Variants in GRIK2 observed in about 807,000 individuals in gnomAD.
The protein encoded by GRIK2 is glutamate ionotropic receptor kainate type subunit 2, also known as glutamate receptor ionotropic, kainate 2.
Under a neutral mutation model 100.3 loss-of-function variants are expected in GRIK2, and 32 were observed. The ratio of observed to expected loss-of-function variants is 0.32; its 90% CI spans 0.24 to 0.43. GRIK2 has a LOEUF of 0.43. Among genes scored for constraint, GRIK2 ranks in the 20% least tolerant of loss-of-function variants. The pLI is 1.00. For missense variants in GRIK2, 843 were observed against 1,114.9 expected, an observed-to-expected ratio of 0.76 and a Z score of 3.47; for synonymous variants, 417 against 389.4, an observed-to-expected ratio of 1.07 and a Z score of -0.83.
At chr6:101,627,093 G>A (rs1780492289) in intron 4 of GRIK2, among the ~76,000 whole-genome samples, 1 of 146,860 alleles carries the variant, frequency 6.8e-6, no homozygotes, top group Admixed American at 7.0e-5. Context: ...TGAATAATGT[G>A]TGTGTGTGTG....
At chr6:101,846,528 A>C (rs555616906) in intron 10 of GRIK2, among the ~76,000 whole-genome samples, 4 of 152,180 alleles carry the variant, frequency 2.6e-5, no homozygotes, top group African/African-American at 9.6e-5. Context: ...TGTTGGCCTG[A>C]AAGAATGGAC....
At chr6:101,515,782 ATTTG>A (rs1407478184) in intron 2 of GRIK2, among the ~76,000 whole-genome samples, 1 of 151,704 alleles carries the variant, frequency 6.6e-6, no homozygotes, top group African/African-American at 2.4e-5. Context: ...TATCTTACCG[ATTTG>A]TTTGAGTTTG....
chr6:101,581,619 C>CTA (rs1778102630), intron 2 of GRIK2, among the ~76,000 whole-genome samples: 1 of 152,116 alleles, frequency 6.6e-6, no homozygotes, highest in East Asian at 1.9e-4. Flanking sequence ...TGAGCATTAA[C>CTA]TATACAACAC....
intron 14 of GRIK2, among the ~76,000 whole-genome samples, chr6:101,972,970 C>T (rs1262950379): frequency 6.6e-6 from 1 of 151,786 alleles, no homozygotes; most frequent in Non-Finnish European, 1.5e-5. Flanking sequence ...AGTTTGAAGC[C>T]AGGTAGTGTG....
In GRIK2 at chr6:101,514,789, C is replaced by T. The variant is rs572595644; in HGVS notation, c.116-107160C>T. On this transcript the variant is annotated intron_variant, in intron 2 of 16. Transcript: ENST00000369134. ...AGTTTTTTTGAGAATAAAGTAAGGT[C>T]GCTGTTTTATGTAGACTCATAGAAA... 1.2e-4 allele frequency among the ~76,000 whole-genome samples: 19 copies of T among 152,134 alleles called. No individual in the cohort carries two copies. In the South Asian group the frequency reaches 3.5e-3, roughly 28 times the overall value.
intron 4 of GRIK2, among the ~76,000 whole-genome samples, chr6:101,655,731 A>G (rs922640689): frequency 6.6e-6 from 1 of 152,212 alleles, no homozygotes; most frequent in Non-Finnish European, 1.5e-5. Flanking sequence ...ACATGACAAG[A>G]TAACATAATG....
chr6:102,055,341 C>G lies in GRIK2; in HGVS notation c.2323C>G (p.Arg775Gly). ...GVGTPMGSPY[R>G]DKITIAILQL... ...CTCTCCTTTCTTAGGTTCTCCATAT[C>G]GAGACAAAATTACCATAGCAATTCT... Residue 775 changes from arginine (R) to glycine (G), a missense_variant, in exon 16 of 17, where the codon CGA becomes GGA. Arg to Gly is a moderately radical substitution (Grantham distance 125). This residue lies in a region of GRIK2 where 237 missense variants were observed against 388.0 expected (regional missense o/e 0.61). Transcript: ENST00000369134. 1 of 1,609,310 alleles carries G rather than the reference C, an allele frequency of 6.2e-7. No individual in the cohort carries two copies. Among genetic ancestry groups the G allele is most frequent in the African/African-American group, 1.3e-5 (1 of 74,926 alleles).
intron 12 of GRIK2, among the ~76,000 whole-genome samples, chr6:101,917,824 C>T (rs1341104923): frequency 2.7e-5 from 4 of 150,878 alleles, no homozygotes; most frequent in African/African-American, 9.7e-5. Context: ...TAAGAGATCA[C>T]GTCTTCACAT....
chr6:101,528,053 G>T (rs1775240691), intron 2 of GRIK2, among the ~76,000 whole-genome samples: 1 of 152,046 alleles, frequency 6.6e-6, no homozygotes. Context: ...TGTGTGAGTT[G>T]CTGAACCTAC....
At chr6:101,928,136 G>A (rs1319599430) in intron 13 of GRIK2, 2 of 368,888 alleles carry the variant, frequency 5.4e-6, no homozygotes, top group South Asian at 4.4e-5. Context: ...TATTAAAAAT[G>A]TTTACTCATT....
At chr6:101,889,605 CTTTTTT>C in intron 11 of GRIK2, 29 bp from the exon 12 acceptor site, 2 of 711,228 alleles carry the variant, frequency 2.8e-6, no homozygotes, top group Non-Finnish European at 4.3e-6. Flanking sequence ...TTCTTTCTTT[CTTTTTT>C]TTTTTTTTTT....
intron 2 of GRIK2, among the ~76,000 whole-genome samples, chr6:101,596,364 T>C (rs1163026448): frequency 6.6e-6 from 1 of 151,608 alleles, no homozygotes; most frequent in Non-Finnish European, 1.5e-5. Flanking sequence ...AGGCTTAACT[T>C]CTAAGAAGTA....
intron 7 of GRIK2, among the ~76,000 whole-genome samples, chr6:101,722,901 G>A (rs1015526609): frequency 6.6e-6 from 1 of 152,028 alleles, no homozygotes; most frequent in Non-Finnish European, 1.5e-5. Flanking sequence ...TAATCTGGGA[G>A]AGGATGCTGT....
chr6:101,437,234 C>T (rs1474850119), intron 2 of GRIK2, among the ~76,000 whole-genome samples: 2 of 152,004 alleles, frequency 1.3e-5, no homozygotes, highest in Admixed American at 1.3e-4. Context: ...TTTCCATTTT[C>T]ACAAACAGAA....
chr6:101,601,637 G>T (rs1052092531), intron 2 of GRIK2, among the ~76,000 whole-genome samples: 2 of 151,746 alleles, frequency 1.3e-5, no homozygotes, highest in African/African-American at 2.4e-5. Flanking sequence ...CAGGGTTTTA[G>T]TTTTTTCCTG....
At chr6:101,455,247 T>C (rs1770937537) in intron 2 of GRIK2, among the ~76,000 whole-genome samples, 1 of 152,036 alleles carries the variant, frequency 6.6e-6, no homozygotes, top group East Asian at 1.9e-4. Context: ...AAATTAAAAG[T>C]GGGTAATGTG....
At chr6:101,993,787 A>G (rs916131162) in intron 14 of GRIK2, 11 of 148,410 alleles carry the variant, frequency 7.4e-5, no homozygotes, top group African/African-American at 2.7e-4. Flanking sequence ...TTCTATATAT[A>G]TATTAATATA....
chr6:101,996,206 G>A (rs567849921), intron 14 of GRIK2, among the ~76,000 whole-genome samples: 1 of 152,102 alleles, frequency 6.6e-6, no homozygotes, highest in South Asian at 2.1e-4. Context: ...AAAAGGTAAT[G>A]CAGGCAGTTA....
chr6:101,951,378 AC>A (rs1488019613), intron 14 of GRIK2, among the ~76,000 whole-genome samples: 1 of 152,192 alleles, frequency 6.6e-6, no homozygotes, highest in Non-Finnish European at 1.5e-5. Flanking sequence ...CTTTCTAGAC[AC>A]TGCCAATAGT....
Sources: allele counts gnomAD v4.1 joint callset (sites outside exome capture counted in the v4.1 genomes callset), GRCh38; gene constraint gnomAD v4.1.1; regional missense constraint gnomAD v4.1.1; transcripts MANE v1.5; gene names NCBI Gene and HGNC (gene_info 2026-07-23, HGNC 2026-07-21).